Variants in DOCK5 observed in about 807,000 individuals in gnomAD.
The protein encoded by DOCK5 is dedicator of cytokinesis 5.
In DOCK5, 142 loss-of-function variants were observed where a neutral mutation model predicts 251.8. That is an observed-to-expected ratio of 0.56 (90% CI 0.49 to 0.65). The LOEUF is 0.65. Ranked by LOEUF, DOCK5 falls within the 30% of genes least tolerant of loss-of-function variation. DOCK5 has a pLI of 0.00. For synonymous variants in DOCK5, 842 were observed against 835.5 expected, an observed-to-expected ratio of 1.01 and a Z score of -0.13; for missense variants, 2,111 against 2,312.3, an observed-to-expected ratio of 0.91 and a Z score of 1.79.
intron 4 of DOCK5, among the ~76,000 whole-genome samples, chr8:25,276,568 A>T (rs775629670): frequency 1.6e-4 from 25 of 152,150 alleles, no homozygotes; most frequent in Non-Finnish European, 3.1e-4. Context: ...GGGGCCGAGG[A>T]GAGAGTGGAC....
intron 2 of DOCK5, among the ~76,000 whole-genome samples, chr8:25,258,565 G>T (rs1427148043): frequency 6.6e-6 from 1 of 152,096 alleles, no homozygotes; most frequent in Admixed American, 6.6e-5. Context: ...GGCCGTGTAG[G>T]CAGGGTGCTT....
chr8:25,275,108 T>G (rs1804010373), intron 3 of DOCK5, among the ~76,000 whole-genome samples: 1 of 152,196 alleles, frequency 6.6e-6, no homozygotes, highest in South Asian at 2.1e-4. Flanking sequence ...CTCCTTCCCA[T>G]TATGTTATCT....
At chr8:25,400,017 A>C in intron 46 of DOCK5, 23 bp downstream of exon 46, 1 of 1,595,026 alleles carries the variant, frequency 6.3e-7, no homozygotes, top group Non-Finnish European at 8.6e-7. Flanking sequence ...TTTCCTCTAC[A>C]CTCCCAGGGA....
chr8:25,280,308 A>G (rs948914593), intron 5 of DOCK5, among the ~76,000 whole-genome samples: 4 of 152,146 alleles, frequency 2.6e-5, no homozygotes, highest in African/African-American at 9.7e-5. Context: ...TTGTTCAGTC[A>G]TGTGTTGATT....
intron 14 of DOCK5, among the ~76,000 whole-genome samples, chr8:25,319,223 G>A (rs1805354842): frequency 6.6e-6 from 1 of 152,188 alleles, no homozygotes; most frequent in Non-Finnish European, 1.5e-5. Context: ...CGGCGCGTCT[G>A]CAGTTGTCAC....
At chr8:25,244,625 A>G (rs991933048) in intron 2 of DOCK5, among the ~76,000 whole-genome samples, 1 of 152,170 alleles carries the variant, frequency 6.6e-6, no homozygotes, top group African/African-American at 2.4e-5. Context: ...TGATGGTGAA[A>G]CGGCAGAGAT....
At chr8:25,319,927 A>G (rs998672086) in intron 15 of DOCK5, among the ~76,000 whole-genome samples, 3 of 152,228 alleles carry the variant, frequency 2.0e-5, no homozygotes, top group African/African-American at 4.8e-5. Flanking sequence ...GACTGCCAAG[A>G]TGGTACAAAA....
At chr8:25,275,239 C>T (rs547619521) in intron 3 of DOCK5, 147 bp from the exon 4 acceptor site, 11 of 579,112 alleles carry the variant, frequency 1.9e-5, no homozygotes, top group East Asian at 1.3e-4. Flanking sequence ...AGCCAGTCAA[C>T]GTAAGTGGTG....
chr8:25,360,576 G>A (rs10096386), intron 28 of DOCK5, among the ~76,000 whole-genome samples: 49,147 of 151,878 alleles, frequency 0.32, 8,079 homozygotes, highest in East Asian at 0.35. Flanking sequence ...TGGGGCAAGC[G>A]GTTTAACCTC....
In DOCK5 at chr8:25,308,827, C is replaced by T. The variant is rs750376645; in HGVS notation, c.1094C>T (p.Ser365Leu). The T allele has an allele frequency of 1.8e-5, 29 of 1,613,760 alleles. No homozygotes were observed. The highest frequency in any genetic ancestry group is 8.0e-5 in the African/African-American group (6 of 74,904). The change falls in exon 12 of 52, where the codon TCG (serine) becomes TTG (leucine). Residue 365 changes from serine to leucine, a missense_variant. This residue lies in a region of DOCK5 where 1,717 missense variants were observed against 1,892.4 expected (regional missense o/e 0.91). Coordinates refer to ENST00000276440, the MANE Select transcript of DOCK5 (RefSeq NM_024940.8). ...ATCCGCCAGAGGCAGCTCATCATGT[C>T]GCCTTTGATAACATCACACGTGATT... ...TYIRQRQLIM[S>L]PLITSHVIGE...
chr8:25,287,395 C>T (rs1804364160), intron 5 of DOCK5, among the ~76,000 whole-genome samples: 1 of 151,894 alleles, frequency 6.6e-6, no homozygotes. Context: ...TACTGCACTC[C>T]AGCTTGGGTG....
chr8:25,246,709 TG>T (rs1803123607), intron 2 of DOCK5, among the ~76,000 whole-genome samples: 1 of 67,134 alleles, frequency 1.5e-5, no homozygotes, highest in Admixed American at 1.6e-4. Context: ...TTAGTTTGTG[TG>T]TGTGTGTGTG....
intron 1 of DOCK5, among the ~76,000 whole-genome samples, chr8:25,232,685 C>T (rs1055088912): frequency 6.6e-6 from 1 of 152,142 alleles, no homozygotes; most frequent in Non-Finnish European, 1.5e-5. Context: ...GAGCTCCACC[C>T]TCATGACTTA....
intron 1 of DOCK5, among the ~76,000 whole-genome samples, chr8:25,237,832 G>A (rs988434489): frequency 2.6e-5 from 4 of 152,162 alleles, no homozygotes; most frequent in Admixed American, 6.5e-5. Context: ...ATCAGAAGGC[G>A]TTAGAACCAG....
At chr8:25,407,795 T>C (rs1174332365) in intron 48 of DOCK5, among the ~76,000 whole-genome samples, 188 bp from the exon 49 acceptor site, 3 of 148,112 alleles carry the variant, frequency 2.0e-5, no homozygotes, top group Admixed American at 1.4e-4. Flanking sequence ...CACTCAGAAG[T>C]CAAGGTTATA....
intron 2 of DOCK5, among the ~76,000 whole-genome samples, chr8:25,250,176 C>T (rs1586264721): frequency 6.6e-6 from 1 of 152,164 alleles, no homozygotes; most frequent in African/African-American, 2.4e-5. Context: ...AAACAGGCGA[C>T]CAGAGTCCAG....
At chr8:25,345,330 G>T in intron 25 of DOCK5, 145 bp from the exon 26 acceptor site, 1 of 1,010,906 alleles carries the variant, frequency 9.9e-7, no homozygotes. Flanking sequence ...GGTGTTCCTG[G>T]GTGGCCTGGA....
chr8:25,190,121 A>G (rs1214202119), intron 1 of DOCK5, among the ~76,000 whole-genome samples: 3 of 152,154 alleles, frequency 2.0e-5, no homozygotes, highest in Non-Finnish European at 2.9e-5. Flanking sequence ...TCCTGACTTC[A>G]TGTGATGTGC....
chr8:25,253,778 T>C (rs1803338893), intron 2 of DOCK5, among the ~76,000 whole-genome samples: 1 of 152,246 alleles, frequency 6.6e-6, no homozygotes, highest in Non-Finnish European at 1.5e-5. Flanking sequence ...AGCTATCCCA[T>C]GTTCATGGGT....
Sources: allele counts gnomAD v4.1 joint callset (sites outside exome capture counted in the v4.1 genomes callset), GRCh38; gene constraint gnomAD v4.1.1; regional missense constraint gnomAD v4.1.1; transcripts MANE v1.5; gene names NCBI Gene and HGNC (gene_info 2026-07-23, HGNC 2026-07-21).